The following RMDN2 variants were observed in gnomAD, a reference collection of about 807,000 sequenced individuals.
RMDN2 encodes the protein regulator of microtubule dynamics 2.
A neutral mutation model predicts 52.8 loss-of-function variants in RMDN2; 61 were observed. The observed-to-expected ratio is 1.16, with a 90% CI of 0.94 to 1.43. The LOEUF (loss-of-function observed/expected upper bound fraction) is 1.43, where lower values mean the gene tolerates loss of function less well. Among genes scored for constraint, RMDN2 ranks in the 40% most tolerant of loss-of-function variants. The probability of loss-of-function intolerance (pLI) is 0.00; values close to 1 mark genes in which losing one functional copy is unlikely to be tolerated. For synonymous variants in RMDN2, 180 were observed against 153.1 expected (o/e 1.18, Z -1.30); for missense variants, 592 against 475.3 (o/e 1.25, Z -2.28).
At chr2:37,927,382 A>G (rs1176180289) in intron 1 of RMDN2, among the ~76,000 whole-genome samples, 1 of 152,196 alleles carries the variant, frequency 6.6e-6, no homozygotes, top group Non-Finnish European at 1.5e-5. Context: ...TATCTGCAAA[A>G]TAATAATAGG....
At chr2:38,003,898 A>C in intron 8 of RMDN2, 93 bp from the exon 9 acceptor site, 1 of 1,002,062 alleles carries the variant, frequency 1.0e-6, no homozygotes, top group Non-Finnish European at 1.6e-6. Context: ...TTGGTTCATA[A>C]TATTTGATTT....
At chr2:37,939,592 A>T (rs1558444694) in intron 2 of RMDN2, among the ~76,000 whole-genome samples, 2 of 152,208 alleles carry the variant, frequency 1.3e-5, no homozygotes, top group Admixed American at 1.3e-4. Context: ...GGGTGAGTAT[A>T]TATTTAGGAT....
At chr2:37,982,301 A>G (rs1490049183) in intron 5 of RMDN2, among the ~76,000 whole-genome samples, 1 of 152,180 alleles carries the variant, frequency 6.6e-6, no homozygotes, top group East Asian at 1.9e-4. Flanking sequence ...AGCTCCACTC[A>G]CAAACTCTCA....
chr2:37,994,303 A>C (rs1383297214), intron 7 of RMDN2, among the ~76,000 whole-genome samples: 1 of 152,234 alleles, frequency 6.6e-6, no homozygotes, highest in Non-Finnish European at 1.5e-5. Context: ...AGCATGAGCA[A>C]AATTCAGTGC....
At chr2:37,921,736 G>C (rs1666037396), upstream of RMDN2, among the ~76,000 whole-genome samples, 1 of 152,198 alleles carries the variant, frequency 6.6e-6, no homozygotes, top group Admixed American at 6.6e-5. Context: ...AAGGCTCTCA[G>C]ACAAAGTTAA....
At chr2:38,026,156 T>C (rs185478866) in intron 10 of RMDN2, among the ~76,000 whole-genome samples, 1 of 152,282 alleles carries the variant, frequency 6.6e-6, no homozygotes, top group East Asian at 1.9e-4. Context: ...ATTTAGATTA[T>C]CTTTCTTCTG....
intron 2 of RMDN2, among the ~76,000 whole-genome samples, chr2:37,968,224 T>G (rs190990180): frequency 3.3e-5 from 5 of 152,014 alleles, no homozygotes; most frequent in Non-Finnish European, 5.9e-5. Context: ...GCAGATCACT[T>G]GAGGTCAGGA....
chr2:38,055,527 T>C (rs1681826382), intron 10 of RMDN2, among the ~76,000 whole-genome samples: 1 of 152,142 alleles, frequency 6.6e-6, no homozygotes, highest in African/African-American at 2.4e-5. Context: ...AAGCTCTAAG[T>C]TGGTTTACTT....
chr2:37,954,657 A>T (rs1421224536), intron 2 of RMDN2, among the ~76,000 whole-genome samples: 1 of 151,938 alleles, frequency 6.6e-6, no homozygotes. Flanking sequence ...CTTTGTTTTT[A>T]TTTTTCAAGA....
At chr2:37,934,556 A>AT (rs1019018788) in intron 2 of RMDN2, among the ~76,000 whole-genome samples, 4 of 151,710 alleles carry the variant, frequency 2.6e-5, no homozygotes, top group African/African-American at 9.7e-5. Flanking sequence ...TTTATTTTTT[A>AT]TTTTTTATTT....
At position 37,929,323 on chromosome 2, in the gene RMDN2, G is replaced by T; in HGVS notation, c.46G>T (p.Gly16Cys). ...AGAGTTGATACTTGGCATCATGGTG[G>T]GCACTGCTGGAATCAGCTTGCTGCT... ...NKELILGIMVGTAGISLLLLW... is the reference protein window; with the variant it reads ...NKELILGIMVCTAGISLLLLW... Residue 16 changes from glycine (G) to cysteine (C), a missense_variant, in exon 2 of 11, where the codon GGC becomes TGC. Physicochemically the swap from Gly to Cys is radical, Grantham distance 159 (BLOSUM62 -3). Transcript: ENST00000354545. The T allele has an allele frequency of 6.4e-7, 1 of 1,550,702 alleles. No individual in the cohort carries two copies. The highest frequency in any genetic ancestry group is 2.0e-5 in the Admixed American group (1 of 50,844).
chr2:38,021,729 G>A (rs915913987), downstream of RMDN2, among the ~76,000 whole-genome samples: 3 of 152,174 alleles, frequency 2.0e-5, no homozygotes, highest in African/African-American at 4.8e-5. Context: ...CTGTAGGGTT[G>A]GCCGTACAAA....
chr2:37,992,239 T>G (rs768559445), intron 7 of RMDN2, among the ~76,000 whole-genome samples: 2 of 152,216 alleles, frequency 1.3e-5, no homozygotes, highest in Non-Finnish European at 2.9e-5. Flanking sequence ...GCATTGAAAT[T>G]GAAATTGAAT....
chr2:37,989,032 G>A (rs1249124373), intron 5 of RMDN2, among the ~76,000 whole-genome samples: 2 of 152,014 alleles, frequency 1.3e-5, no homozygotes, highest in Admixed American at 6.6e-5. Context: ...TTTAATCGTG[G>A]TATTTATTTG....
downstream of RMDN2, among the ~76,000 whole-genome samples, chr2:38,020,724 C>T (rs139590945): frequency 7.0e-3 from 1,066 of 152,334 alleles, 8 homozygotes; most frequent in African/African-American, 0.024. Context: ...CTGGATTTCT[C>T]ACCAGGCCTT....
intron 10 of RMDN2, among the ~76,000 whole-genome samples, chr2:38,041,507 A>G (rs1680953036): frequency 6.8e-6 from 1 of 147,568 alleles, no homozygotes; most frequent in Non-Finnish European, 1.5e-5. Flanking sequence ...GAGGAGACAT[A>G]TATACTTTGT....
chr2:38,023,332 G>C (rs561133788), intron 10 of RMDN2, among the ~76,000 whole-genome samples: 1 of 151,582 alleles, frequency 6.6e-6, no homozygotes, highest in Non-Finnish European at 1.5e-5. Context: ...AAGGAAACAA[G>C]GGAAAGGAAA....
intron 2 of RMDN2, among the ~76,000 whole-genome samples, chr2:37,939,414 G>T (rs570153365): frequency 2.0e-5 from 3 of 152,128 alleles, no homozygotes; most frequent in Non-Finnish European, 2.9e-5. Flanking sequence ...GGTCCGCTTG[G>T]TTCAGAGCTG....
At chr2:38,010,098 A>G (rs1443691791) in intron 10 of RMDN2, among the ~76,000 whole-genome samples, 1 of 152,168 alleles carries the variant, frequency 6.6e-6, no homozygotes, top group Non-Finnish European at 1.5e-5. Flanking sequence ...GTACCCGGGC[A>G]TCTGAGGTGT....
Sources: allele counts gnomAD v4.1 joint callset (sites outside exome capture counted in the v4.1 genomes callset), GRCh38; gene constraint gnomAD v4.1.1; transcripts MANE v1.5; gene names NCBI Gene and HGNC (gene_info 2026-07-23, HGNC 2026-07-21).